The following PITRM1 variants were observed in gnomAD, a reference collection of about 807,000 sequenced individuals.
The protein encoded by PITRM1 is pitrilysin metallopeptidase 1.
PITRM1 carries 100 observed loss-of-function variants against 129.9 expected under a neutral mutation model. That is an observed-to-expected ratio of 0.77 (90% confidence interval 0.65 to 0.91). The LOEUF is 0.91. Ranked by LOEUF, PITRM1 falls within the 40% of genes least tolerant of loss-of-function variation. PITRM1 has a pLI of 0.00. For synonymous variants in PITRM1, 591 were observed against 508.8 expected (o/e 1.16, Z -2.17); for missense variants, 1,471 against 1,318.3 (o/e 1.12, Z -1.79).
intron 23 of PITRM1, chr10:3,143,133 T>C (rs546817188): frequency 1.8e-5 from 9 of 488,420 alleles, no homozygotes; most frequent in South Asian, 1.4e-4. Flanking sequence ...TTTAAGGTCA[T>C]AGGTATCTGT....
chr10:3,170,205 G>T lies in PITRM1; in HGVS notation c.58C>A (p.His20Asn). The change falls in exon 2 of 27, where the codon CAT (histidine) becomes AAT (asparagine). Residue 20 changes from histidine to asparagine, a missense_variant and splice_region_variant. Transcript: ENST00000224949. The stretch of plus-strand genomic sequence containing the variant: ...CATCGCCACGCTCTGTGGTGTGCAT[G>T]TCTAGATTAAAAGTCATCTAAGTTA... ...LCVLRRLSGG[H>N]AHHRAWRWNS... 2.5e-6 allele frequency: 4 copies of T among 1,612,446 alleles called. No individual in the cohort carries two copies. Among genetic ancestry groups the T allele is most frequent in the Non-Finnish European group, 3.4e-6 (4 of 1,178,568 alleles).
intron 2 of PITRM1, among the ~76,000 whole-genome samples, chr10:3,168,302 C>A (rs1023346948): frequency 5.3e-5 from 8 of 152,190 alleles, no homozygotes; most frequent in African/African-American, 1.9e-4. Flanking sequence ...AACAGATGAT[C>A]AATGCTTTTG....
intron 4 of PITRM1, among the ~76,000 whole-genome samples, chr10:3,165,912 G>A (rs75359203): frequency 0.081 from 12,298 of 152,134 alleles, 624 homozygotes; most frequent in Non-Finnish European, 0.12. Flanking sequence ...ATCCACTATC[G>A]TCAGTCTTAC....
rs1046029006 is a variant in PITRM1 at position 3,165,576 on chromosome 10, A to G, written c.419-49T>C. ...TTGTAAAATATAACAGATTTCTACT[A>G]AAATTATTGACTCTCAAGACTCATT... is the stretch of plus-strand genomic sequence containing the variant. On this transcript the variant is annotated intron_variant, in intron 4 of 26. Coordinates refer to ENST00000224949, the MANE Select transcript of PITRM1 (RefSeq NM_014889.4). 6.5e-6 allele frequency: 7 copies of G among 1,079,974 alleles called. No homozygotes were observed. The Admixed American group carries it at 1.4e-4, about 21-fold the overall frequency. The allele number at this position is 1,079,974 out of a possible 1,614,324, so 66.9% of individuals were successfully genotyped here.
intron 14 of PITRM1, among the ~76,000 whole-genome samples, chr10:3,153,867 T>C (rs1365431247): frequency 1.3e-5 from 2 of 152,362 alleles, no homozygotes; most frequent in East Asian, 3.8e-4. Context: ...AGTAAGTGCA[T>C]GTGTGTATGT....
At chr10:3,152,670 T>C (rs778698376) in intron 14 of PITRM1, among the ~76,000 whole-genome samples, 1 of 152,246 alleles carries the variant, frequency 6.6e-6, no homozygotes, top group Non-Finnish European at 1.5e-5. Flanking sequence ...CCCTGCCTGC[T>C]TGCCACCTAC....
intron 9 of PITRM1, among the ~76,000 whole-genome samples, chr10:3,159,300 T>C (rs1263229007): frequency 2.0e-5 from 3 of 152,180 alleles, no homozygotes; most frequent in Non-Finnish European, 4.4e-5. Context: ...TCACACGTGA[T>C]TTAAATCACA....
At position 3,145,631 on chromosome 10, in the gene PITRM1, T is replaced by C; in HGVS notation, c.2422A>G (p.Lys808Glu). 1.9e-6 allele frequency: 3 copies of C among 1,550,128 alleles called. No homozygotes were observed. The highest frequency in any genetic ancestry group is 2.6e-6 in the Non-Finnish European group (3 of 1,147,000). Residue 808 changes from lysine to glutamate, a missense_variant, in exon 21 of 27, where the codon AAG becomes GAG. Lys to Glu is a moderately conservative substitution (Grantham distance 56). Transcript: ENST00000224949. ...TGTGGGCGCACAGGCCTCCGTTCCT[T>C]TTTACTCCGACCGATGCTTCTAAGG... ...DFLRSIGRSK[K>E]ERRPVRPHTV...
intron 7 of PITRM1, chr10:3,163,002 G>A (rs4534480): frequency 0.62 from 94,812 of 151,700 alleles, 30,266 homozygotes; most frequent in Non-Finnish European, 0.71. Context: ...TCACGTTTTA[G>A]GGTCACAAAT....
At chr10:3,166,884 C>T in intron 3 of PITRM1, 52 bp downstream of exon 3, 1 of 1,108,192 alleles carries the variant, frequency 9.0e-7, no homozygotes, top group South Asian at 1.4e-5. Context: ...AATGGACATT[C>T]CTGATTTAAA....
upstream of PITRM1, chr10:3,172,797 C>T (rs771918313): frequency 4.1e-6 from 6 of 1,471,278 alleles, no homozygotes; most frequent in Admixed American, 2.3e-5. Flanking sequence ...ACCTGGCTGG[C>T]GAGGAACCCC....
chr10:3,169,204 CT>C (rs1396282602), intron 2 of PITRM1, among the ~76,000 whole-genome samples: 2 of 152,246 alleles, frequency 1.3e-5, no homozygotes, highest in Non-Finnish European at 2.9e-5. Flanking sequence ...ACCCAAGTGT[CT>C]TTGCCTGGCC....
chr10:3,155,724 G>A lies in PITRM1; in HGVS notation c.1488C>T (p.Asn496=), dbSNP rs764087663. ...QEKVKQYFKN[N]QHKLTLSMRP... ...TCATCGATAAAGTCAGCTTATGCTG[G>A]TTATTCTGCAGCAATCACAGCAACA... The change falls in exon 14 of 27, where the codon AAC becomes AAT. Residue 496 remains asparagine, a synonymous_variant. Coordinates refer to ENST00000224949, the MANE Select transcript of PITRM1 (RefSeq NM_014889.4). The A allele has an allele frequency of 5.6e-6, 9 of 1,613,584 alleles. No homozygotes were observed. In the East Asian group the frequency reaches 1.6e-4, roughly 28 times the overall value.
At chr10:3,147,409 A>G in intron 19 of PITRM1, 159 bp from the exon 20 acceptor site, 1 of 969,294 alleles carries the variant, frequency 1.0e-6, no homozygotes, top group Non-Finnish European at 1.6e-6. Context: ...GGGTGGTACA[A>G]AGAGGAAGAT....
intron 1 of PITRM1, among the ~76,000 whole-genome samples, chr10:3,171,520 T>C (rs1408145193): frequency 6.6e-6 from 1 of 152,176 alleles, no homozygotes; most frequent in East Asian, 1.9e-4. Flanking sequence ...CTCGACTCAC[T>C]GCAACCTCCA....
Position 3,159,014 on chromosome 10 carries a change from A to T in PITRM1, c.1036T>A (p.Leu346Ile). 6.2e-7 allele frequency: 1 copy of T among 1,613,538 alleles called. No homozygotes were observed. The highest frequency in any genetic ancestry group is 2.2e-5 in the East Asian group (1 of 44,856). ...GTCAAGAGTGAAGACAGAAGACTTA[A>T]TGTGAAGGCTTCAAATGTGTCGGTG... ...DITDTFEAFT[L>I]SLLSSLLTSG... Residue 346 changes from leucine to isoleucine, a missense_variant, in exon 10 of 27, where the codon TTA becomes ATA. Coordinates refer to ENST00000224949, the MANE Select transcript of PITRM1 (RefSeq NM_014889.4).
Position 3,147,278 on chromosome 10 carries a change from G to A in PITRM1, c.2236-28C>T, listed in dbSNP as rs760248953. 3.3e-6 allele frequency: 5 copies of A among 1,494,242 alleles called. 1 individual carries two copies. In the South Asian group the frequency reaches 5.7e-5, roughly 17 times the overall value. 92.6% of individuals were successfully genotyped at this position (1,494,242 alleles called of 1,614,324 possible). A position where few individuals can be genotyped will look rare whatever the true frequency, so the allele number is the denominator to read the frequency against. ...AAGCCAGAGGAAACTCGCTCAGAGAGAGGCAGAGGCTACAACAGACCCGCT... is the reference window on the plus strand; with the variant it reads ...AAGCCAGAGGAAACTCGCTCAGAGAAAGGCAGAGGCTACAACAGACCCGCT... On this transcript the variant is annotated intron_variant, in intron 19 of 26. Transcript: ENST00000224949.
intron 6 of PITRM1, among the ~76,000 whole-genome samples, chr10:3,164,594 G>A (rs1030881131): frequency 3.3e-5 from 5 of 152,112 alleles, no homozygotes; most frequent in South Asian, 4.1e-4. Context: ...GCATAAATGC[G>A]TTTTAATGAG....
At chr10:3,144,259 C>A (rs768914091) in intron 22 of PITRM1, 33 bp downstream of exon 22, 3 of 1,351,802 alleles carry the variant, frequency 2.2e-6, no homozygotes, top group Non-Finnish European at 3.1e-6. Flanking sequence ...AAGCACCCAC[C>A]CGCTGGCAAC....
Sources: allele counts gnomAD v4.1 joint callset (sites outside exome capture counted in the v4.1 genomes callset), GRCh38; gene constraint gnomAD v4.1.1; transcripts MANE v1.5; gene names NCBI Gene and HGNC (gene_info 2026-07-23, HGNC 2026-07-21).